The following TNIK variants were observed in gnomAD, a reference collection of about 807,000 sequenced individuals.
TNIK encodes the protein TRAF2 and NCK-interacting protein kinase.
Under a neutral mutation model 191.3 loss-of-function variants are expected in TNIK, and 49 were observed. The ratio of observed to expected loss-of-function variants is 0.26; its 90% CI spans 0.20 to 0.32. The LOEUF (loss-of-function observed/expected upper bound fraction) is 0.32. Ranked by LOEUF, TNIK falls within the 10% of genes least tolerant of loss-of-function variation. The pLI is 1.00. For synonymous variants in TNIK, 594 were observed against 600.9 expected, an observed-to-expected ratio of 0.99 and a Z score of 0.17; for missense variants, 1,155 against 1,702.3, an observed-to-expected ratio of 0.68 and a Z score of 5.66.
At chr3:171,131,094 A>G (rs1729171608) in intron 15 of TNIK, among the ~76,000 whole-genome samples, 3 of 151,968 alleles carry the variant, frequency 2.0e-5, no homozygotes, top group Admixed American at 2.0e-4. Context: ...TTAACAGGGC[A>G]TTGGGAGGCC....
At chr3:171,251,218 C>A (rs1400151609) in intron 2 of TNIK, among the ~76,000 whole-genome samples, 2 of 152,272 alleles carry the variant, frequency 1.3e-5, no homozygotes, top group South Asian at 4.1e-4. Flanking sequence ...ACAGCAGGAA[C>A]AGACAACAGA....
intron 12 of TNIK, among the ~76,000 whole-genome samples, chr3:171,140,843 T>C (rs1730721512): frequency 6.6e-6 from 1 of 152,212 alleles, no homozygotes; most frequent in Admixed American, 6.5e-5. Context: ...TTATTACATA[T>C]CATCAAGTTG....
intron 2 of TNIK, among the ~76,000 whole-genome samples, chr3:171,332,218 T>C (rs1325441657): frequency 6.6e-6 from 1 of 152,218 alleles, no homozygotes; most frequent in Non-Finnish European, 1.5e-5. Flanking sequence ...TCATAAACTT[T>C]GTTTTAAAAG....
chr3:171,304,974 G>T (rs566691658), intron 2 of TNIK, among the ~76,000 whole-genome samples: 1 of 145,484 alleles, frequency 6.9e-6, no homozygotes, highest in Non-Finnish European at 1.5e-5. Context: ...AAACCTGCAC[G>T]TTGTGTACAT....
At chr3:171,413,483 T>C (rs989276992) in intron 1 of TNIK, among the ~76,000 whole-genome samples, 2 of 152,200 alleles carry the variant, frequency 1.3e-5, no homozygotes, top group Non-Finnish European at 2.9e-5. Flanking sequence ...CACCTCTGCA[T>C]CTTTGCACTG....
chr3:171,268,536 A>G (rs1748681626), intron 2 of TNIK, among the ~76,000 whole-genome samples: 1 of 151,990 alleles, frequency 6.6e-6, no homozygotes, highest in Admixed American at 6.6e-5. Context: ...CTATATTGCA[A>G]AGGTCCTGAG....
At chr3:171,078,246 ATTCT>A (rs1394400447) in intron 28 of TNIK, among the ~76,000 whole-genome samples, 1 of 151,970 alleles carries the variant, frequency 6.6e-6, no homozygotes, top group African/African-American at 2.4e-5. Flanking sequence ...CCTTTCTTAT[ATTCT>A]TTCTTCAATA....
At chr3:171,263,306 G>T (rs1285261663) in intron 2 of TNIK, among the ~76,000 whole-genome samples, 1 of 152,164 alleles carries the variant, frequency 6.6e-6, no homozygotes, top group Non-Finnish European at 1.5e-5. Flanking sequence ...TTCATAGGAG[G>T]ATATGAATTG....
chr3:171,400,694 A>G (rs1720835859), intron 1 of TNIK, among the ~76,000 whole-genome samples: 2 of 152,292 alleles, frequency 1.3e-5, no homozygotes, highest in Middle Eastern at 6.8e-3. Flanking sequence ...ATTATTCTTA[A>G]TGTTGCTGAA....
chr3:171,230,549 T>C (rs1330627951), intron 2 of TNIK, among the ~76,000 whole-genome samples: 1 of 152,116 alleles, frequency 6.6e-6, no homozygotes, highest in Non-Finnish European at 1.5e-5. Context: ...TCCCACTTGC[T>C]CTTACTCTGT....
intron 7 of TNIK, among the ~76,000 whole-genome samples, chr3:171,183,474 G>T (rs1162458784): frequency 3.3e-5 from 5 of 152,220 alleles, no homozygotes; most frequent in African/African-American, 1.2e-4. Flanking sequence ...GTGGGAAAAA[G>T]AAATTGATGC....
chr3:171,068,867 T>C lies in TNIK; in HGVS notation c.3680A>G (p.Asp1227Gly). ...ACTTACATGAGATGGTATGTAGATA[T>C]CATAAGAGTTTCCTGAATCAACATC... ...VIDVDSGNSYDIYIPSHIQGN... is the reference protein window; with the variant it reads ...VIDVDSGNSYGIYIPSHIQGN... The change falls in exon 30 of 33, where the codon GAT becomes GGT. Residue 1227 changes from aspartate to glycine, a missense_variant. This residue lies in a region of TNIK where 195 missense variants were observed against 415.4 expected (regional missense o/e 0.47). Transcript: ENST00000436636. 6.2e-7 allele frequency: 1 copy of C among 1,613,652 alleles called. No individual in the cohort carries two copies.
At chr3:171,331,242 C>T (rs1455445687) in intron 2 of TNIK, among the ~76,000 whole-genome samples, 2 of 152,204 alleles carry the variant, frequency 1.3e-5, no homozygotes, top group African/African-American at 4.8e-5. Flanking sequence ...AAACAGGCCA[C>T]TTTCTACCCC....
rs112186333 is a variant in TNIK, at chr3:171,415,391, C to T, written c.57+44616G>A. ...TTTGTATTGCTCACCACTGTATCAT[C>T]AGCACTTGAAAAGGTGACTGACAAT... On this transcript the variant is annotated intron_variant, in intron 1 of 32. Coordinates refer to ENST00000436636, the MANE Select transcript of TNIK (RefSeq NM_015028.4). 4.2e-4 allele frequency among the ~76,000 whole-genome samples: 64 copies of T among 152,284 alleles called. 1 individual carries two copies. In the Middle Eastern group the frequency reaches 0.01, roughly 24 times the overall value.
intron 2 of TNIK, among the ~76,000 whole-genome samples, chr3:171,298,198 A>C (rs151027294): frequency 6.6e-5 from 10 of 152,332 alleles, no homozygotes; most frequent in African/African-American, 2.2e-4. Context: ...TACATGGAGC[A>C]ACTGTAGTTT....
intron 1 of TNIK, among the ~76,000 whole-genome samples, chr3:171,392,773 T>A (rs1719715592): frequency 8.3e-6 from 1 of 119,786 alleles, no homozygotes; most frequent in Non-Finnish European, 1.7e-5. Flanking sequence ...AACGAGATTC[T>A]GTCTCAAAAA....
chr3:171,111,807 A>C (rs1467723515), intron 18 of TNIK, among the ~76,000 whole-genome samples: 3 of 152,228 alleles, frequency 2.0e-5, no homozygotes, highest in African/African-American at 4.8e-5. Context: ...AATGTGATAT[A>C]TCTCTCTCTC....
intron 2 of TNIK, among the ~76,000 whole-genome samples, chr3:171,350,595 T>TAAAAAA (rs71178208): frequency 0.01 from 1,025 of 97,940 alleles, 27 homozygotes; most frequent in African/African-American, 0.038. Context: ...GCTCTGTTGC[T>TAAAAAA]AAAAAAAAAA....
intron 2 of TNIK, among the ~76,000 whole-genome samples, chr3:171,236,895 G>T (rs1298888467): frequency 6.6e-6 from 1 of 152,190 alleles, no homozygotes; most frequent in Non-Finnish European, 1.5e-5. Flanking sequence ...TTGGGAGTGG[G>T]CAGGGTTGGC....
Sources: allele counts gnomAD v4.1 joint callset (sites outside exome capture counted in the v4.1 genomes callset), GRCh38; gene constraint gnomAD v4.1.1; regional missense constraint gnomAD v4.1.1; transcripts MANE v1.5; gene names NCBI Gene and HGNC (gene_info 2026-07-23, HGNC 2026-07-21).